The following CLCN1 variants were observed in gnomAD, a reference collection of about 807,000 sequenced individuals.
CLCN1 encodes the protein chloride voltage-gated channel 1, also known as chloride channel protein 1.
Under a neutral mutation model 114.5 loss-of-function variants are expected in CLCN1, and 100 were observed. The ratio of observed to expected loss-of-function variants is 0.87; its 90% CI spans 0.74 to 1.03. The LOEUF (loss-of-function observed/expected upper bound fraction) is 1.03, where lower values mean the gene tolerates loss of function less well. Ranked by LOEUF, CLCN1 falls within the 50% of genes least tolerant of loss-of-function variation. The pLI is 0.00. For missense variants in CLCN1, 1,188 were observed against 1,250.0 expected (o/e 0.95, Z 0.75); for synonymous variants, 485 against 487.1 (o/e 1.00, Z 0.06).
Position 143,324,359 on chromosome 7 carries a change from G to C in CLCN1, c.775-55G>C, listed in dbSNP as rs1802524595. 4 of 1,331,156 alleles carry C rather than the reference G, an allele frequency of 3.0e-6. No individual in the cohort carries two copies. Among genetic ancestry groups the C allele is most frequent in the African/African-American group, 1.4e-5 (1 of 69,134 alleles). 82.5% of individuals were successfully genotyped at this position (1,331,156 alleles called of 1,614,324 possible). On this transcript the variant is annotated intron_variant, in intron 6 of 22. Coordinates refer to ENST00000343257, the MANE Select transcript of CLCN1 (RefSeq NM_000083.3). This position sits in a 1 kb window ranked among gnomAD's most constrained non-coding sequence, Gnocchi z 4.6. The stretch of plus-strand genomic sequence containing the variant: ...CCCATCCCTGCTTGTTCTGTCCTCT[G>C]CCTGCCCACCTCCCTCTCTTCCACC...
intron 7 of CLCN1, among the ~76,000 whole-genome samples, chr7:143,328,596 T>C (rs1205281161): frequency 6.6e-6 from 1 of 152,112 alleles, no homozygotes; most frequent in African/African-American, 2.4e-5. Context: ...TGTTGTAAAA[T>C]ATTCATCAGT....
chr7:143,322,554 G>C (rs2116839788), intron 5 of CLCN1, among the ~76,000 whole-genome samples: 1 of 152,290 alleles, frequency 6.6e-6, no homozygotes, highest in East Asian at 1.9e-4. Flanking sequence ...ACAGTGTCTA[G>C]CTCGCTTGCC....
chr7:143,343,512 C>T (rs1803142200), intron 16 of CLCN1, among the ~76,000 whole-genome samples: 3 of 152,198 alleles, frequency 2.0e-5, no homozygotes, highest in African/African-American at 7.2e-5. Context: ...GTGAAAGCAC[C>T]TCTAGTATTG....
In CLCN1 at chr7:143,321,694, A is replaced by G. The variant is rs200579591; in HGVS notation, c.563-21A>G. The G allele has an allele frequency of 1.2e-4, 191 of 1,614,060 alleles. No individual in the cohort carries two copies. Among genetic ancestry groups the G allele is most frequent in the Non-Finnish European group, 1.6e-4 (189 of 1,180,034 alleles). On this transcript the variant is annotated intron_variant, in intron 4 of 22. Coordinates refer to ENST00000343257, the MANE Select transcript of CLCN1 (RefSeq NM_000083.3). This position sits in a 1 kb window ranked among gnomAD's most constrained non-coding sequence, Gnocchi z 4.2. ...TTTCACCTTCACCTTGACCCTGCAC[A>G]TAATCTTTCAACGCTTTTAGGCTCT...
intron 19 of CLCN1, 118 bp from the exon 20 acceptor site, chr7:143,346,793 A>T: frequency 8.4e-7 from 1 of 1,192,898 alleles, no homozygotes; most frequent in Non-Finnish European, 1.3e-6. Flanking sequence ...AGGGATGATG[A>T]ATGAAAAGGA....
At position 143,316,304 on chromosome 7, in the gene CLCN1, C is replaced by G; in HGVS notation, c.92C>G (p.Thr31Ser). 1 of 1,613,774 alleles carries G rather than the reference C, an allele frequency of 6.2e-7. No individual in the cohort carries two copies. Among genetic ancestry groups the G allele is most frequent in the Non-Finnish European group, 8.5e-7 (1 of 1,179,864 alleles). ...CAGTATATGCCCTTTGAACACTGCA[C>G]CAGCTACGGACTGCCCTCTGAGAAT... ...QYQYMPFEHCTSYGLPSENGG... is the reference protein window; with the variant it reads ...QYQYMPFEHCSSYGLPSENGG... Residue 31 changes from threonine (T) to serine (S), a missense_variant, in exon 1 of 23, where the codon ACC becomes AGC. Coordinates refer to ENST00000343257, the MANE Select transcript of CLCN1 (RefSeq NM_000083.3).
chr7:143,328,735 A>G (rs913587350), intron 7 of CLCN1, among the ~76,000 whole-genome samples: 2 of 152,164 alleles, frequency 1.3e-5, no homozygotes, highest in African/African-American at 4.8e-5. Flanking sequence ...GCAGCTGCTT[A>G]CCTGATGTGA....
chr7:143,336,793 A>C (rs2116861012), intron 12 of CLCN1, among the ~76,000 whole-genome samples: 1 of 152,280 alleles, frequency 6.6e-6, no homozygotes, highest in Non-Finnish European at 1.5e-5. Context: ...GTGCTATAGG[A>C]GTTGATAACT....
intron 16 of CLCN1, among the ~76,000 whole-genome samples, chr7:143,343,133 A>G (rs960496890): frequency 6.6e-6 from 1 of 152,194 alleles, no homozygotes; most frequent in Admixed American, 6.5e-5. Context: ...TGGTAAAGAC[A>G]CCTTATTTCA....
chr7:143,323,543 C>T lies in CLCN1; in HGVS notation c.774+157C>T, dbSNP rs569567186. On this transcript the variant is annotated intron_variant, in intron 6 of 22. Coordinates refer to ENST00000343257, the MANE Select transcript of CLCN1 (RefSeq NM_000083.3). ...CTCCCTTCCTCGTCTCCCTGTCTGC[C>T]TACCCTGGCCACGTGATGCCTCTGT... is the stretch of plus-strand genomic sequence containing the variant. 227 of 716,924 alleles carry T rather than the reference C, an allele frequency of 3.2e-4. No individual in the cohort carries two copies. The East Asian group carries it at 6.0e-3, about 19-fold the overall frequency. 44.4% of individuals were successfully genotyped at this position (716,924 alleles called of 1,614,324 possible). A position where few individuals can be genotyped will look rare whatever the true frequency, so the allele number is the denominator to read the frequency against.
intron 7 of CLCN1, among the ~76,000 whole-genome samples, chr7:143,327,765 C>T (rs1244966638): frequency 6.6e-6 from 1 of 152,132 alleles, no homozygotes; most frequent in Admixed American, 6.5e-5. Flanking sequence ...AGCAATTCTC[C>T]CACCTCAGCC....
At chr7:143,320,025 G>A (rs1247922551) in intron 2 of CLCN1, 150 bp downstream of exon 2, 1 of 829,208 alleles carries the variant, frequency 1.2e-6, no homozygotes, top group East Asian at 2.6e-5. Context: ...GTCTCACTCT[G>A]TCATTCAGAC....
intron 7 of CLCN1, among the ~76,000 whole-genome samples, chr7:143,329,088 C>A (rs1384186177): frequency 6.6e-6 from 1 of 151,884 alleles, no homozygotes; most frequent in Non-Finnish European, 1.5e-5. Context: ...CTGCCTTAGC[C>A]TCCCAAGTAG....
At chr7:143,340,615 C>T (rs1377119907) in intron 14 of CLCN1, among the ~76,000 whole-genome samples, 1 of 152,156 alleles carries the variant, frequency 6.6e-6, no homozygotes, top group African/African-American at 2.4e-5. Context: ...TCACTGCAAC[C>T]TCTGCCTCCT....
rs756977743 is a variant in CLCN1, at chr7:143,316,303, A to G, written c.91A>G (p.Thr31Ala). Residue 31 changes from threonine to alanine, a missense_variant, in exon 1 of 23, where the codon ACC (threonine) becomes GCC (alanine). Thr to Ala is a moderately conservative substitution (Grantham distance 58, BLOSUM62 0). Coordinates refer to ENST00000343257, the MANE Select transcript of CLCN1 (RefSeq NM_000083.3). ...CCAGTATATGCCCTTTGAACACTGC[A>G]CCAGCTACGGACTGCCCTCTGAGAA... Reference protein sequence around the residue: ...QYQYMPFEHCTSYGLPSENGG... With the variant: ...QYQYMPFEHCASYGLPSENGG... The G allele has an allele frequency of 2.5e-6, 4 of 1,613,712 alleles. No homozygotes were observed. Among genetic ancestry groups the G allele is most frequent in the Non-Finnish European group, 3.4e-6 (4 of 1,179,936 alleles).
At chr7:143,346,105 G>A (rs759243626) in intron 17 of CLCN1, 35 bp from the exon 18 acceptor site, 4 of 1,392,010 alleles carry the variant, frequency 2.9e-6, no homozygotes, top group Admixed American at 1.7e-5. Flanking sequence ...GGCAGTCTCT[G>A]CTCCCAGGCT....
rs762890985 is a variant in CLCN1 at position 143,321,274 on chromosome 7, C to T, written c.434-91C>T. Reference sequence around the variant, plus strand: ...TCAGAAGGGGCACACAGAAGGAGCACGGCCTGAGAACATGCCGGGTACACG... The same window carrying T: ...TCAGAAGGGGCACACAGAAGGAGCATGGCCTGAGAACATGCCGGGTACACG... On this transcript the variant is annotated intron_variant, in intron 3 of 22. Transcript: ENST00000343257. This position sits in a 1 kb window ranked among gnomAD's most constrained non-coding sequence, Gnocchi z 4.2. The T allele has an allele frequency of 1.8e-4, 274 of 1,483,772 alleles. No homozygotes were observed. The highest frequency in any genetic ancestry group is 3.0e-4 in the African/African-American group (22 of 72,296). The allele number at this position is 1,483,772 out of a possible 1,614,324, so 91.9% of individuals were successfully genotyped here. A position where few individuals can be genotyped will look rare whatever the true frequency, so the allele number is the denominator to read the frequency against.
Position 143,347,528 on chromosome 7 carries a change from C to T in CLCN1, c.2403+579C>T, listed in dbSNP as rs754989913. On this transcript the variant is annotated intron_variant, in intron 20 of 22. Coordinates refer to ENST00000343257, the MANE Select transcript of CLCN1 (RefSeq NM_000083.3). Reference sequence around the variant, plus strand: ...CCCAGATATTTGGGAGGCTGAGGCACGAAAATCACTTGAACCCGGGAGGTG... The same window carrying T: ...CCCAGATATTTGGGAGGCTGAGGCATGAAAATCACTTGAACCCGGGAGGTG... Among the ~76,000 whole-genome samples the T allele has an allele frequency of 6.1e-5, 9 of 147,238 alleles. No individual in the cohort carries two copies. The South Asian group carries it at 6.4e-4, about 10-fold the overall frequency.
chr7:143,345,472 G>A, intron 16 of CLCN1, 49 bp from the exon 17 acceptor site: 3 of 1,478,986 alleles, frequency 2.0e-6, no homozygotes, highest in Non-Finnish European at 2.7e-6. Flanking sequence ...GCGCGGTGGT[G>A]CGAGAGGGCT....
Sources: allele counts gnomAD v4.1 joint callset (sites outside exome capture counted in the v4.1 genomes callset), GRCh38; gene constraint gnomAD v4.1.1; non-coding constraint Gnocchi (gnomAD v3.1); transcripts MANE v1.5; gene names NCBI Gene and HGNC (gene_info 2026-07-23, HGNC 2026-07-21).